NKAIN3: variants seen among roughly 807,000 people sequenced by gnomAD.
NKAIN3 encodes the protein sodium/potassium-transporting ATPase subunit beta-1-interacting protein 3.
A neutral mutation model predicts 30.2 loss-of-function variants in NKAIN3; 25 were observed. The ratio of observed to expected loss-of-function variants is 0.83; its 90% CI spans 0.60 to 1.16. The LOEUF (loss-of-function observed/expected upper bound fraction) is 1.16. Among genes scored for constraint, NKAIN3 ranks in the 50% most tolerant of loss-of-function variants. The pLI is 0.00. For missense variants in NKAIN3, 225 were observed against 254.1 expected (o/e 0.89, Z 0.78); for synonymous variants, 91 against 89.6 (o/e 1.02, Z -0.09).
chr8:62,820,194 A>T lies in NKAIN3; in HGVS notation c.471+73065A>T, dbSNP rs558856992. ...AATGCAGATTTGCAACGAAGGAATA[A>T]CAGAGCTGTGTTTGTTTTGTATGTA... On this transcript the variant is annotated intron_variant, in intron 4 of 6. Transcript: ENST00000623646. Among the ~76,000 whole-genome samples, 3 of 152,296 alleles carry T rather than the reference A, an allele frequency of 2.0e-5. No individual in the cohort carries two copies. The South Asian group carries it at 6.2e-4, about 32-fold the overall frequency.
chr8:62,749,987 T>A (rs1158774088), intron 4 of NKAIN3, among the ~76,000 whole-genome samples: 1 of 152,090 alleles, frequency 6.6e-6, no homozygotes, highest in African/African-American at 2.4e-5. Flanking sequence ...TGGCCAGAAT[T>A]GTGCTTCTTA....
chr8:62,393,503 T>G (rs1176883410), intron 1 of NKAIN3, among the ~76,000 whole-genome samples: 1 of 151,982 alleles, frequency 6.6e-6, no homozygotes, highest in Non-Finnish European at 1.5e-5. Flanking sequence ...TAGAGTGCTT[T>G]TATTGTAAAT....
At chr8:62,612,984 AGTT>A (rs1472877371) in intron 3 of NKAIN3, among the ~76,000 whole-genome samples, 2 of 151,990 alleles carry the variant, frequency 1.3e-5, no homozygotes, top group Non-Finnish European at 2.9e-5. Context: ...TGTCTTGAAA[AGTT>A]GTTGTGGTTA....
Position 62,719,753 on chromosome 8 carries a change from C to CTTTT in NKAIN3, c.274-27161_274-27158dup, listed in dbSNP as rs60637445. Reference sequence around the variant, plus strand: ...TCTGCATACATTTATACATTTCTTTCTTTTTTTTTTTTTTTTTTTTTGAGA... The same window carrying CTTTT: ...TCTGCATACATTTATACATTTCTTTCTTTTTTTTTTTTTTTTTTTTTTTTTGAGA... On this transcript the variant is annotated intron_variant, in intron 3 of 6. Transcript: ENST00000623646. Among the ~76,000 whole-genome samples, 263 of 90,376 alleles carry CTTTT rather than the reference C, an allele frequency of 2.9e-3. 2 individuals are homozygous for CTTTT. The highest frequency in any genetic ancestry group is 6.2e-3 in the East Asian group (22 of 3,546). The allele number at this position is 90,376 out of a possible 152,430, so 59.3% of individuals were successfully genotyped here. A position where few individuals can be genotyped will look rare whatever the true frequency, so the allele number is the denominator to read the frequency against.
intron 1 of NKAIN3, among the ~76,000 whole-genome samples, chr8:62,260,471 C>G (rs1213419628): frequency 2.0e-5 from 3 of 152,108 alleles, no homozygotes; most frequent in Admixed American, 1.3e-4. Flanking sequence ...CATTTCTTAG[C>G]TTCAAAAGGT....
intron 3 of NKAIN3, among the ~76,000 whole-genome samples, chr8:62,742,370 T>C (rs963328252): frequency 2.0e-5 from 3 of 152,138 alleles, no homozygotes; most frequent in African/African-American, 7.2e-5. Flanking sequence ...TTAACTTTAG[T>C]TTTTACTGGT....
chr8:62,963,760 G>C (rs1290731496), intron 6 of NKAIN3, among the ~76,000 whole-genome samples: 2 of 152,130 alleles, frequency 1.3e-5, no homozygotes, highest in Non-Finnish European at 2.9e-5. Context: ...AATGTGATGG[G>C]GCACAGGGAG....
At chr8:62,653,014 A>G (rs1812670192) in intron 3 of NKAIN3, among the ~76,000 whole-genome samples, 1 of 152,080 alleles carries the variant, frequency 6.6e-6, no homozygotes, top group African/African-American at 2.4e-5. Flanking sequence ...CAAATTCTCT[A>G]TTGTCATTAT....
At chr8:62,318,413 G>A (rs890218669) in intron 1 of NKAIN3, among the ~76,000 whole-genome samples, 2 of 152,268 alleles carry the variant, frequency 1.3e-5, no homozygotes, top group East Asian at 3.9e-4. Context: ...TGCCCATTCA[G>A]TATGATATTG....
chr8:62,808,745 G>A (rs1163683829), intron 4 of NKAIN3, among the ~76,000 whole-genome samples: 1 of 151,992 alleles, frequency 6.6e-6, no homozygotes, highest in African/African-American at 2.4e-5. Context: ...GGCAAATGGG[G>A]GCAGACCGAG....
intron 1 of NKAIN3, among the ~76,000 whole-genome samples, chr8:62,297,835 A>G (rs1246958264): frequency 6.6e-6 from 1 of 152,230 alleles, no homozygotes; most frequent in Non-Finnish European, 1.5e-5. Context: ...ATATACCCAA[A>G]GGATTATAAA....
Position 62,974,488 on chromosome 8 carries a change from T to C in NKAIN3, c.*9081T>C, listed in dbSNP as rs1365349293. On this transcript the variant is annotated 3_prime_UTR_variant, in exon 7 of 7. Coordinates refer to ENST00000623646, the MANE Select transcript of NKAIN3 (RefSeq NM_001304533.3). ...GTCTATTATTGGTGTATAGGAATGC[T>C]TGTGATTTTTGCACATTGATTTTGT... 6.6e-6 allele frequency among the ~76,000 whole-genome samples: 1 copy of C among 152,206 alleles called. No individual in the cohort carries two copies. Among genetic ancestry groups the C allele is most frequent in the Non-Finnish European group, 1.5e-5 (1 of 68,040 alleles).
chr8:62,805,098 C>T (rs565362934), intron 4 of NKAIN3, among the ~76,000 whole-genome samples: 48 of 152,084 alleles, frequency 3.2e-4, no homozygotes, highest in Admixed American at 1.5e-3. Context: ...CTACAAGGGA[C>T]GTGAAGGACC....
chr8:62,664,750 A>G (rs1324585287), intron 3 of NKAIN3, among the ~76,000 whole-genome samples: 1 of 152,168 alleles, frequency 6.6e-6, no homozygotes, highest in Non-Finnish European at 1.5e-5. Flanking sequence ...CCCCCTATGC[A>G]TCTACAGTGT....
At chr8:62,389,912 G>A (rs566049103) in intron 1 of NKAIN3, among the ~76,000 whole-genome samples, 3 of 152,198 alleles carry the variant, frequency 2.0e-5, no homozygotes, top group South Asian at 2.1e-4. Flanking sequence ...GAGAATAATG[G>A]ACATTCAGTC....
At chr8:62,864,486 A>C (rs1412880181) in intron 4 of NKAIN3, among the ~76,000 whole-genome samples, 4 of 152,198 alleles carry the variant, frequency 2.6e-5, no homozygotes, top group Non-Finnish European at 5.9e-5. Flanking sequence ...ATACTGAGGA[A>C]TATAATCTTG....
At chr8:62,620,386 A>G (rs1475169332) in intron 3 of NKAIN3, among the ~76,000 whole-genome samples, 1 of 152,088 alleles carries the variant, frequency 6.6e-6, no homozygotes, top group Non-Finnish European at 1.5e-5. Context: ...TGTTTCTCAA[A>G]TTCCCTCAGC....
intron 2 of NKAIN3, among the ~76,000 whole-genome samples, chr8:62,588,792 A>T (rs1490943495): frequency 6.6e-6 from 1 of 151,914 alleles, no homozygotes; most frequent in Non-Finnish European, 1.5e-5. Context: ...GTGATAAAAT[A>T]AAACGAATAG....
At chr8:62,300,675 G>A (rs1485136360) in intron 1 of NKAIN3, among the ~76,000 whole-genome samples, 3 of 151,942 alleles carry the variant, frequency 2.0e-5, no homozygotes, top group Admixed American at 6.6e-5. Flanking sequence ...TTTTGCATTT[G>A]ATGTCAAGTG....
Sources: gnomAD v4.1 joint callset for allele counts (sites outside exome capture counted in the v4.1 genomes callset) on GRCh38, gnomAD v4.1.1 for gene constraint, MANE v1.5 for transcripts, NCBI Gene and HGNC (gene_info 2026-07-23, HGNC 2026-07-21) for gene names.